The following BDH2 variants were observed in gnomAD, a reference collection of about 807,000 sequenced individuals.
BDH2 encodes the protein 3-hydroxybutyrate dehydrogenase 2.
A neutral mutation model predicts 33.2 loss-of-function variants in BDH2; 24 were observed. The ratio of observed to expected loss-of-function variants is 0.72; its 90% CI spans 0.52 to 1.02. BDH2 has a LOEUF of 1.02. Ranked by LOEUF, BDH2 falls within the 50% of genes least tolerant of loss-of-function variation. The pLI, the probability that BDH2 is intolerant of heterozygous loss-of-function variation, is 0.00. For synonymous variants in BDH2, 81 were observed against 101.6 expected (o/e 0.80, Z 1.22); for missense variants, 249 against 301.6 (o/e 0.83, Z 1.29).
At chr4:103,085,236 T>C in intron 7 of BDH2, 113 bp downstream of exon 7, 1 of 785,746 alleles carries the variant, frequency 1.3e-6, no homozygotes, top group Non-Finnish European at 2.1e-6. Flanking sequence ...GCAACTATTA[T>C]ACTAAACTCT....
chr4:103,082,164 C>A lies in BDH2; in HGVS notation c.601G>T (p.Asp201Tyr). The A allele has an allele frequency of 1.2e-6, 2 of 1,613,958 alleles. No homozygotes were observed. The highest frequency in any genetic ancestry group is 1.7e-6 in the Non-Finnish European group (2 of 1,179,850). ...ARGNPEEARN[D>Y]FLKRQKTGRF... ...CCCGTCTTTTGTCTCTTCAGGAAAT[C>A]ATTCCGTGCCTGTGACCAGAGACCA... The change falls in exon 9 of 10, where the codon GAT becomes TAT. Residue 201 changes from aspartate (D) to tyrosine (Y), a missense_variant. Coordinates refer to ENST00000296424, the MANE Select transcript of BDH2 (RefSeq NM_020139.4).
chr4:103,095,465 T>C (rs41277027), intron 2 of BDH2, among the ~76,000 whole-genome samples, 184 bp from the exon 3 acceptor site: 8,998 of 152,238 alleles, frequency 0.059, 524 homozygotes, highest in African/African-American at 0.15. Context: ...TATCATTAAT[T>C]AGAACAATGT....
chr4:103,082,207 G>A, intron 8 of BDH2, 34 bp from the exon 9 acceptor site: 1 of 1,572,276 alleles, frequency 6.4e-7, no homozygotes, highest in African/African-American at 1.3e-5. Flanking sequence ...CATTAGTGAT[G>A]GAAGCAGCTG....
rs763730896 is a variant in BDH2, at chr4:103,082,876, C to T, written c.586G>A (p.Glu196Lys). 4 of 1,610,090 alleles carry T rather than the reference C, an allele frequency of 2.5e-6. No homozygotes were observed. The highest frequency in any genetic ancestry group is 3.4e-6 in the Non-Finnish European group (4 of 1,176,400). Residue 196 changes from glutamate to lysine, a missense_variant, in exon 8 of 10, where the codon GAA (glutamate) becomes AAA (lysine). Coordinates refer to ENST00000296424, the MANE Select transcript of BDH2 (RefSeq NM_020139.4). ...ATTTTAAATGCTAGATGTACCTCTT[C>T]AGGATTTCCTCTGGCTTGTATTCTT... ...QERIQARGNPEEARNDFLKRQ... is the reference protein window; with the variant it reads ...QERIQARGNPKEARNDFLKRQ...
At chr4:103,094,678 G>C (rs1176196528) in intron 3 of BDH2, among the ~76,000 whole-genome samples, 2 of 151,812 alleles carry the variant, frequency 1.3e-5, no homozygotes, top group African/African-American at 4.8e-5. Flanking sequence ...AATTTAGTAA[G>C]AAAAAATTAA....
rs1483615492 is a variant in BDH2 at position 103,078,240 on chromosome 4, AT to A, written c.*1461del. Among the ~76,000 whole-genome samples the A allele has an allele frequency of 1.3e-5, 2 of 152,228 alleles. No homozygotes were observed. On this transcript the variant is annotated 3_prime_UTR_variant, in exon 10 of 10. Transcript: ENST00000296424. Reference sequence around the variant, plus strand: ...GCCCTGACAATGTTACAGAATTAACATCCATAAATTTACTTTTCTTGAAAAA... The same window carrying A: ...GCCCTGACAATGTTACAGAATTAACACCATAAATTTACTTTTCTTGAAAAA...
At chr4:103,098,325 A>G (rs1748504697) in intron 1 of BDH2, among the ~76,000 whole-genome samples, 1 of 152,224 alleles carries the variant, frequency 6.6e-6, no homozygotes. Context: ...TTTTGCAGCT[A>G]TGAATTCAAA....
Position 103,091,276 on chromosome 4 carries a change from A to G in BDH2, c.258T>C (p.His86=), listed in dbSNP as rs761772154. Residue 86 remains histidine (H), a synonymous_variant, in exon 5 of 10, where the codon CAT becomes CAC. Transcript: ENST00000296424. ...CCTCACAATCCAGGACAGTTCCATG[A>G]TGGACAAAACTAGAAGAGTGATTAA... The part of the protein sequence containing the change: ...DVLFNVAGFV[H]HGTVLDCEEK... 2.5e-6 allele frequency: 4 copies of G among 1,610,032 alleles called. No homozygotes were observed. The South Asian group carries it at 4.4e-5, about 18-fold the overall frequency.
At chr4:103,084,349 G>A (rs1455865033) in intron 7 of BDH2, among the ~76,000 whole-genome samples, 1 of 151,964 alleles carries the variant, frequency 6.6e-6, no homozygotes, top group African/African-American at 2.4e-5. Context: ...ACTATGCCAG[G>A]GTCTACACAA....
intron 6 of BDH2, chr4:103,086,060 T>G (rs781518322): frequency 1.0e-5 from 12 of 1,146,932 alleles, no homozygotes; most frequent in African/African-American, 1.6e-5. Flanking sequence ...TTGACAGCGC[T>G]TTGTACAAAC....
At chr4:103,084,384 A>G (rs1747670562) in intron 7 of BDH2, among the ~76,000 whole-genome samples, 1 of 152,176 alleles carries the variant, frequency 6.6e-6, no homozygotes, top group African/African-American at 2.4e-5. Flanking sequence ...TTGTGACTAT[A>G]CAACCATCAG....
intron 8 of BDH2, 36 bp downstream of exon 8, chr4:103,082,835 C>T: frequency 6.4e-7 from 1 of 1,552,748 alleles, no homozygotes; most frequent in South Asian, 1.1e-5. Context: ...CATTTATTAA[C>T]AAAAGGTTTA....
In BDH2 at chr4:103,079,194, G is replaced by A. The variant is rs1287330975; in HGVS notation, c.*508C>T. Among the ~76,000 whole-genome samples, 1 of 152,146 alleles carries A rather than the reference G, an allele frequency of 6.6e-6. No homozygotes were observed. The highest frequency in any genetic ancestry group is 1.5e-5 in the Non-Finnish European group (1 of 68,034). Reference sequence around the variant, plus strand: ...CATAAGGGTAGTGCCCTCATGAACAGGATTAGTGTCCTTATAAAAAGACAC... The same window carrying A: ...CATAAGGGTAGTGCCCTCATGAACAAGATTAGTGTCCTTATAAAAAGACAC... On this transcript the variant is annotated 3_prime_UTR_variant, in exon 10 of 10. Transcript: ENST00000296424.
At chr4:103,096,073 T>TA (rs888579477) in intron 2 of BDH2, 110 bp downstream of exon 2, 1 of 711,254 alleles carries the variant, frequency 1.4e-6, no homozygotes, top group Admixed American at 2.9e-5. Flanking sequence ...AGCACAAAAG[T>TA]AAAAAAATAA....
Position 103,086,461 on chromosome 4 carries a change from C to T in BDH2, c.418+19G>A, listed in dbSNP as rs374808003. On this transcript the variant is annotated intron_variant, in intron 6 of 9. Coordinates refer to ENST00000296424, the MANE Select transcript of BDH2 (RefSeq NM_020139.4). ...GTGCGTGTATGAGCATCGCAGTCCT[C>T]GGAAGGAGACAGACCCACCTTTGAC... 154 of 1,610,526 alleles carry T rather than the reference C, an allele frequency of 9.6e-5. No individual in the cohort carries two copies. The highest frequency in any genetic ancestry group is 2.3e-5 in the Non-Finnish European group (27 of 1,178,874).
chr4:103,086,377 C>T, intron 6 of BDH2, 103 bp downstream of exon 6: 1 of 1,431,532 alleles, frequency 7.0e-7, no homozygotes, highest in Non-Finnish European at 9.2e-7. Context: ...GAAATCATTT[C>T]AATACTTGAA....
chr4:103,085,193 ATATT>A (rs1747717350), intron 7 of BDH2, among the ~76,000 whole-genome samples, 152 bp downstream of exon 7: 1 of 152,232 alleles, frequency 6.6e-6, no homozygotes, highest in Non-Finnish European at 1.5e-5. Context: ...CAGACAAAAA[ATATT>A]TATGGCTTTG....
chr4:103,088,222 AAAGT>A (rs1414780820), intron 5 of BDH2, among the ~76,000 whole-genome samples: 1 of 152,190 alleles, frequency 6.6e-6, no homozygotes, highest in Non-Finnish European at 1.5e-5. Context: ...ATGGTGTTGA[AAAGT>A]AAGCCTTAAA....
intron 7 of BDH2, among the ~76,000 whole-genome samples, chr4:103,083,831 A>G (rs765982591): frequency 2.0e-5 from 3 of 152,034 alleles, no homozygotes; most frequent in African/African-American, 4.8e-5. Context: ...ATCATTTGCT[A>G]TTTTTTTCTG....
Sources: allele counts gnomAD v4.1 joint callset (sites outside exome capture counted in the v4.1 genomes callset), GRCh38; gene constraint gnomAD v4.1.1; transcripts MANE v1.5; gene names NCBI Gene and HGNC (gene_info 2026-07-23, HGNC 2026-07-21).